The following MPDZ variants were observed in gnomAD, a reference collection of about 807,000 sequenced individuals.
The protein encoded by MPDZ is multiple PDZ domain crumbs cell polarity complex component, also known as multiple PDZ domain protein.
MPDZ carries 234 observed loss-of-function variants against 239.1 expected under a neutral mutation model. That is an observed-to-expected ratio of 0.98 (90% CI 0.88 to 1.09). The LOEUF (loss-of-function observed/expected upper bound fraction) is 1.09. Among genes scored for constraint, MPDZ ranks in the 50% least tolerant of loss-of-function variants. The pLI is 0.00. For synonymous variants in MPDZ, 1,048 were observed against 881.3 expected, an observed-to-expected ratio of 1.19 and a Z score of -3.35; for missense variants, 3,175 against 2,510.0, an observed-to-expected ratio of 1.26 and a Z score of -5.66.
chr9:13,193,548 A>C (rs141527413), intron 13 of MPDZ, among the ~76,000 whole-genome samples: 6 of 152,264 alleles, frequency 3.9e-5, no homozygotes, highest in Non-Finnish European at 8.8e-5. Flanking sequence ...CTCCCATTAC[A>C]TAGGTCTCAT....
At chr9:13,206,688 T>G (rs981844080) in intron 10 of MPDZ, among the ~76,000 whole-genome samples, 4 of 151,870 alleles carry the variant, frequency 2.6e-5, no homozygotes, top group Non-Finnish European at 5.9e-5. Flanking sequence ...GGACTACAGG[T>G]GCGTGCCACC....
At chr9:13,238,000 G>C (rs10756465) in intron 3 of MPDZ, among the ~76,000 whole-genome samples, 56,521 of 152,014 alleles carry the variant, frequency 0.37, 11,514 homozygotes, top group East Asian at 0.54. Context: ...TATTGATTTG[G>C]TTTCAGATTT....
chr9:13,256,543 A>G (rs1969483077), intron 1 of MPDZ, among the ~76,000 whole-genome samples: 3 of 152,230 alleles, frequency 2.0e-5, no homozygotes, highest in African/African-American at 7.2e-5. Flanking sequence ...CAGGGTTATT[A>G]AATAGCCTAA....
chr9:13,135,511 T>G (rs1734137173), intron 31 of MPDZ: 1 of 152,210 alleles, frequency 6.6e-6, no homozygotes, highest in African/African-American at 2.4e-5. Flanking sequence ...CTGATTTTTC[T>G]CTACAGTACT....
In MPDZ at chr9:13,190,189, C is replaced by T; in HGVS notation, c.2079G>A (p.Met693Ile). 1 of 1,613,294 alleles carries T rather than the reference C, an allele frequency of 6.2e-7. No homozygotes were observed. Among genetic ancestry groups the T allele is most frequent in the Non-Finnish European group, 8.5e-7 (1 of 1,179,556 alleles). The part of the protein sequence containing the change: ...STEEVQAPLA[M>I]WEAGIQHIEL... ...CTATGTGCTGAATGCCAGCCTCCCACATGGCCAAAGGTGCTTGAACCTCTT... is the reference window on the plus strand; with the variant it reads ...CTATGTGCTGAATGCCAGCCTCCCATATGGCCAAAGGTGCTTGAACCTCTT... Residue 693 changes from methionine (M) to isoleucine (I), a missense_variant, in exon 16 of 47, where the codon ATG becomes ATA. Physicochemically the swap from Met to Ile is conservative, Grantham distance 10. Transcript: ENST00000319217.
At chr9:13,272,433 C>T (rs1404937168) in intron 1 of MPDZ, among the ~76,000 whole-genome samples, 1 of 152,112 alleles carries the variant, frequency 6.6e-6, no homozygotes, top group Non-Finnish European at 1.5e-5. Context: ...CATTCCAATG[C>T]TATAGTTTTG....
At chr9:13,121,961 G>T in intron 37 of MPDZ, 29 bp from the exon 38 acceptor site, 2 of 1,606,020 alleles carry the variant, frequency 1.2e-6, no homozygotes, top group Non-Finnish European at 1.7e-6. Flanking sequence ...CTGACTGTAA[G>T]GAACATGAGA....
At chr9:13,259,993 C>T (rs563817041) in intron 1 of MPDZ, among the ~76,000 whole-genome samples, 2 of 151,734 alleles carry the variant, frequency 1.3e-5, no homozygotes, top group Admixed American at 1.3e-4. Flanking sequence ...GCCACCACGC[C>T]CGGCTAATTT....
chr9:13,165,576 C>T (rs1950981006), intron 22 of MPDZ: 1 of 651,434 alleles, frequency 1.5e-6, no homozygotes, highest in Non-Finnish European at 2.6e-6. Flanking sequence ...CCCAGAAAAG[C>T]ATCTGCTCTT....
At chr9:13,205,202 A>G (rs190558618) in intron 11 of MPDZ, 95 bp from the exon 12 acceptor site, 1 of 605,666 alleles carries the variant, frequency 1.7e-6, no homozygotes, top group African/African-American at 1.9e-5. Flanking sequence ...CTCCTACATG[A>G]GAATCTGTTT....
chr9:13,269,095 T>C (rs976118936), intron 1 of MPDZ, among the ~76,000 whole-genome samples: 10 of 152,094 alleles, frequency 6.6e-5, no homozygotes, highest in Admixed American at 6.5e-4. Context: ...GACTCATTCA[T>C]TAGAGGCAAT....
At chr9:13,148,295 A>G (rs1948695737) in intron 25 of MPDZ, among the ~76,000 whole-genome samples, 1 of 152,092 alleles carries the variant, frequency 6.6e-6, no homozygotes, top group Non-Finnish European at 1.5e-5. Flanking sequence ...GGTTTGCCTG[A>G]GTATTGATCA....
chr9:13,246,515 C>A (rs1438137059), intron 3 of MPDZ, among the ~76,000 whole-genome samples: 1 of 152,182 alleles, frequency 6.6e-6, no homozygotes, highest in Non-Finnish European at 1.5e-5. Context: ...CATATAACAA[C>A]AACACCTTAA....
chr9:13,137,567 C>T (rs1194650807), intron 29 of MPDZ, among the ~76,000 whole-genome samples: 1 of 152,178 alleles, frequency 6.6e-6, no homozygotes, highest in African/African-American at 2.4e-5. Context: ...CCACCTCACC[C>T]TCATCACTTC....
chr9:13,228,050 C>T (rs549617906), intron 3 of MPDZ, among the ~76,000 whole-genome samples: 2 of 152,116 alleles, frequency 1.3e-5, no homozygotes, highest in South Asian at 4.1e-4. Flanking sequence ...AGTCATGCCA[C>T]AAATGTTTAA....
At chr9:13,217,844 C>G (rs1958555305) in intron 8 of MPDZ, among the ~76,000 whole-genome samples, 1 of 151,740 alleles carries the variant, frequency 6.6e-6, no homozygotes, top group South Asian at 2.1e-4. Flanking sequence ...CTCATAATTC[C>G]TCATAATTCA....
At chr9:13,240,561 CAG>C (rs1279419095) in intron 3 of MPDZ, among the ~76,000 whole-genome samples, 1 of 37,324 alleles carries the variant, frequency 2.7e-5, no homozygotes, top group Non-Finnish European at 5.2e-5. Flanking sequence ...GATTCAGAAA[CAG>C]TGTAACATAA....
intron 10 of MPDZ, among the ~76,000 whole-genome samples, chr9:13,212,330 G>GTTA (rs1340318429): frequency 6.6e-6 from 1 of 151,950 alleles, no homozygotes; most frequent in Admixed American, 6.6e-5. Flanking sequence ...AAATGTCTTA[G>GTTA]TTACCTTCAT....
intron 10 of MPDZ, among the ~76,000 whole-genome samples, chr9:13,211,426 T>C (rs1957605763): frequency 6.6e-6 from 1 of 152,108 alleles, no homozygotes; most frequent in South Asian, 2.1e-4. Flanking sequence ...ACAAAAAGTT[T>C]AGAAAGTCCG....
Sources: allele counts gnomAD v4.1 joint callset (sites outside exome capture counted in the v4.1 genomes callset), GRCh38; gene constraint gnomAD v4.1.1; transcripts MANE v1.5; gene names NCBI Gene and HGNC (gene_info 2026-07-23, HGNC 2026-07-21).